Variants in SETBP1 observed in about 807,000 individuals in gnomAD.
The protein encoded by SETBP1 is SET binding protein 1.
SETBP1 carries 9 observed loss-of-function variants against 101.0 expected under a neutral mutation model. The observed-to-expected ratio is 0.09, with a 90% CI of 0.05 to 0.16. The LOEUF is 0.16. Ranked by LOEUF, SETBP1 falls within the 10% of genes least tolerant of loss-of-function variation. The pLI is 1.00. For missense variants in SETBP1, 1,858 were observed against 2,033.8 expected, an observed-to-expected ratio of 0.91 and a Z score of 1.66; for synonymous variants, 818 against 788.5, an observed-to-expected ratio of 1.04 and a Z score of -0.63.
intron 2 of SETBP1, chr18:44,732,915 G>T (rs565925151): frequency 6.6e-6 from 1 of 152,098 alleles, no homozygotes; most frequent in Non-Finnish European, 1.5e-5. Flanking sequence ...TGGCCCTACC[G>T]GCAGCTCGCA....
chr18:44,965,687 G>A (rs1372535258), intron 4 of SETBP1, among the ~76,000 whole-genome samples: 1 of 152,172 alleles, frequency 6.6e-6, no homozygotes, highest in Non-Finnish European at 1.5e-5. Context: ...ATCACAGAGA[G>A]TTTGCTCACA....
intron 2 of SETBP1, among the ~76,000 whole-genome samples, chr18:44,734,015 G>T (rs2069902814): frequency 6.6e-6 from 1 of 152,158 alleles, no homozygotes; most frequent in East Asian, 1.9e-4. Context: ...CAGAGCTGGG[G>T]GAGTGAGTAA....
At chr18:44,837,350 C>T (rs1390738186) in intron 2 of SETBP1, among the ~76,000 whole-genome samples, 1 of 152,170 alleles carries the variant, frequency 6.6e-6, no homozygotes, top group Non-Finnish European at 1.5e-5. Context: ...AGTAAATTAT[C>T]AACATTGTGA....
At chr18:44,998,229 A>G (rs1205998470) in intron 4 of SETBP1, among the ~76,000 whole-genome samples, 1 of 152,224 alleles carries the variant, frequency 6.6e-6, no homozygotes, top group Non-Finnish European at 1.5e-5. Context: ...GGGCCAAGCT[A>G]ACCCTTGACA....
chr18:44,772,867 A>G (rs1276252419), intron 2 of SETBP1, among the ~76,000 whole-genome samples: 1 of 152,234 alleles, frequency 6.6e-6, no homozygotes, highest in Non-Finnish European at 1.5e-5. Context: ...TTAGATCTTA[A>G]CATGATTCCT....
chr18:44,950,915 A>G lies in SETBP1; in HGVS notation c.1575A>G (p.Lys525=). Residue 525 remains lysine (K), a synonymous_variant, in exon 4 of 6, where the codon AAA becomes AAG. Coordinates refer to ENST00000649279, the MANE Select transcript of SETBP1 (RefSeq NM_015559.3). ...SRKLPEIQHP[K]FAAKRRWTCS... is the part of the protein sequence containing the mutation. The stretch of plus-strand genomic sequence containing the variant: ...AGCTGCCAGAAATCCAGCATCCAAA[A>G]TTTGCTGCAAAACGAAGGTGGACTT... 6.2e-7 allele frequency: 1 copy of G among 1,614,100 alleles called. No homozygotes were observed. The highest frequency in any genetic ancestry group is 1.1e-5 in the South Asian group (1 of 91,072).
chr18:44,801,888 T>C (rs2071615709), intron 2 of SETBP1, among the ~76,000 whole-genome samples: 1 of 151,722 alleles, frequency 6.6e-6, no homozygotes, highest in Non-Finnish European at 1.5e-5. Flanking sequence ...GCCTATAAAG[T>C]CATTAATGTA....
chr18:44,771,155 C>T (rs1373856469), intron 2 of SETBP1, among the ~76,000 whole-genome samples: 2 of 151,722 alleles, frequency 1.3e-5, no homozygotes, highest in South Asian at 4.2e-4. Flanking sequence ...AGGATCCACT[C>T]CAGATCTACT....
At chr18:44,965,258 CAGACAG>C (rs1248601402) in intron 4 of SETBP1, among the ~76,000 whole-genome samples, 1 of 140,062 alleles carries the variant, frequency 7.1e-6, no homozygotes, top group Non-Finnish European at 1.5e-5. Flanking sequence ...ACACATACAA[CAGACAG>C]AGACAGACAC....
At chr18:44,916,218 T>C (rs991963403) in intron 3 of SETBP1, among the ~76,000 whole-genome samples, 7 of 152,136 alleles carry the variant, frequency 4.6e-5, no homozygotes, top group African/African-American at 1.7e-4. Context: ...AGAGCAAGAC[T>C]CTGTCTCAAA....
At chr18:44,875,584 G>T (rs1238926841) in intron 3 of SETBP1, among the ~76,000 whole-genome samples, 1 of 149,518 alleles carries the variant, frequency 6.7e-6, no homozygotes, top group Non-Finnish European at 1.5e-5. Flanking sequence ...GGGTTTTCCA[G>T]GGCACTGAGC....
intron 2 of SETBP1, among the ~76,000 whole-genome samples, chr18:44,733,545 C>G (rs1456535637): frequency 6.6e-6 from 1 of 152,206 alleles, no homozygotes. Flanking sequence ...TGCAAGTCCA[C>G]ATGACTCATG....
At chr18:44,822,861 G>A (rs557692443) in intron 2 of SETBP1, among the ~76,000 whole-genome samples, 5 of 152,338 alleles carry the variant, frequency 3.3e-5, no homozygotes, top group African/African-American at 9.6e-5. Flanking sequence ...ATAGAAATAA[G>A]AGAGAATTGG....
chr18:44,941,080 T>A (rs1413903715), intron 3 of SETBP1, among the ~76,000 whole-genome samples: 3 of 140,522 alleles, frequency 2.1e-5, no homozygotes, highest in African/African-American at 8.0e-5. Context: ...AGTCAGACTT[T>A]TTTTTTTTTT....
Position 44,863,855 on chromosome 18 carries a change from C to A in SETBP1, c.487-5375C>A, listed in dbSNP as rs2069070568. ...AAGAAAGGAGATAATCTGGGAAGAG[C>A]AAATGACTTGGAGTATCCCCAGGGC... On this transcript the variant is annotated intron_variant, in intron 2 of 5. Coordinates refer to ENST00000649279, the MANE Select transcript of SETBP1 (RefSeq NM_015559.3). Among the ~76,000 whole-genome samples the A allele has an allele frequency of 2.0e-5, 3 of 152,300 alleles. 1 individual carries two copies. In the South Asian group the frequency reaches 6.2e-4, roughly 32 times the overall value.
chr18:44,832,103 C>G (rs1406865860), intron 2 of SETBP1, among the ~76,000 whole-genome samples: 6 of 152,146 alleles, frequency 3.9e-5, no homozygotes, highest in African/African-American at 1.4e-4. Flanking sequence ...AACAGGTGGT[C>G]TTTGGATACA....
At chr18:44,849,246 C>T (rs912461950) in intron 2 of SETBP1, among the ~76,000 whole-genome samples, 2 of 152,078 alleles carry the variant, frequency 1.3e-5, no homozygotes, top group Non-Finnish European at 2.9e-5. Context: ...AATGATATGC[C>T]AAAAAGACAG....
chr18:44,739,808 G>A (rs1276642864), intron 2 of SETBP1, among the ~76,000 whole-genome samples: 1 of 152,300 alleles, frequency 6.6e-6, no homozygotes, highest in South Asian at 2.1e-4. Context: ...TCTGATGTCC[G>A]AGTAGGAGTG....
rs531010415 is a variant in SETBP1, at chr18:44,790,111, G to A, written c.487-79119G>A. On this transcript the variant is annotated intron_variant, in intron 2 of 5. Coordinates refer to ENST00000649279, the MANE Select transcript of SETBP1 (RefSeq NM_015559.3). Reference sequence around the variant, plus strand: ...TTCTGTGATCCCTGCAGGAAGAACAGGCTGTGTTTTATGTGGAAAAAAATA... The same window carrying A: ...TTCTGTGATCCCTGCAGGAAGAACAAGCTGTGTTTTATGTGGAAAAAAATA... Among the ~76,000 whole-genome samples the A allele has an allele frequency of 6.6e-5, 10 of 152,214 alleles. No individual in the cohort carries two copies. The South Asian group carries it at 2.1e-3, about 32-fold the overall frequency.
Sources: gnomAD v4.1 joint callset for allele counts (sites outside exome capture counted in the v4.1 genomes callset) on GRCh38, gnomAD v4.1.1 for gene constraint, MANE v1.5 for transcripts, NCBI Gene and HGNC (gene_info 2026-07-23, HGNC 2026-07-21) for gene names.